Variants in TMEM14C observed in about 807,000 individuals in gnomAD.
TMEM14C encodes the protein transmembrane protein 14C.
In TMEM14C, 13 loss-of-function variants were observed where a neutral mutation model predicts 14.8. That is an observed-to-expected ratio of 0.88 (90% CI 0.57 to 1.40). TMEM14C has a LOEUF of 1.40. TMEM14C is among the 40% of genes most tolerant of loss of function. The pLI is 0.00. For missense variants in TMEM14C, 142 were observed against 138.8 expected (o/e 1.02, Z -0.12); for synonymous variants, 57 against 51.3 (o/e 1.11, Z -0.48).
At chr6:10,728,749 T>C in intron 5 of TMEM14C, 22 bp downstream of exon 5, 1 of 1,614,114 alleles carries the variant, frequency 6.2e-7, no homozygotes, top group Admixed American at 1.7e-5. Context: ...CTATTACTCT[T>C]CTTTACCATG....
At position 10,724,959 on chromosome 6, in the gene TMEM14C, A is replaced by G. The variant is rs975399111; in HGVS notation, c.21-2A>G. On this transcript the variant is annotated splice_acceptor_variant, in intron 2 of 5. Transcript: ENST00000229563. LOFTEE classifies it high-confidence loss of function. ...ACTGACTTCTCCCTCTTGTGTTTTC[A>G]GAGTGCCTTTGCATTGGTTTGGCTT... 3.1e-6 allele frequency: 5 copies of G among 1,614,110 alleles called. No individual in the cohort carries two copies. Among genetic ancestry groups the G allele is most frequent in the Non-Finnish European group, 4.2e-6 (5 of 1,180,048 alleles).
intron 1 of TMEM14C, among the ~76,000 whole-genome samples, chr6:10,723,665 A>T (rs1283165321): frequency 3.4e-5 from 5 of 145,940 alleles, no homozygotes; most frequent in African/African-American, 1.3e-4. Flanking sequence ...AGTTGCCTGA[A>T]TATGTCTCAT....
At position 10,730,686 on chromosome 6, in the gene TMEM14C, T is replaced by C; in HGVS notation, c.*20T>C. The C allele has an allele frequency of 1.3e-6, 2 of 1,584,066 alleles. No homozygotes were observed. Among genetic ancestry groups the C allele is most frequent in the Non-Finnish European group, 1.7e-6 (2 of 1,161,486 alleles). On this transcript the variant is annotated 3_prime_UTR_variant, in exon 6 of 6. Coordinates refer to ENST00000229563, the MANE Select transcript of TMEM14C (RefSeq NM_016462.4). ...CATTAGCAGAAGTCATGTTCCAGCTTAGACTGATGAAGAATTAAAAATCTG... is the reference window on the plus strand; with the variant it reads ...CATTAGCAGAAGTCATGTTCCAGCTCAGACTGATGAAGAATTAAAAATCTG...
intron 3 of TMEM14C, 26 bp downstream of exon 3, chr6:10,725,063 C>G: frequency 6.2e-7 from 1 of 1,612,652 alleles, no homozygotes; most frequent in African/African-American, 1.3e-5. Flanking sequence ...TACTTAGCCT[C>G]TTAACATCTT....
Sources: gnomAD v4.1 joint callset for allele counts (sites outside exome capture counted in the v4.1 genomes callset) on GRCh38, gnomAD v4.1.1 for gene constraint, MANE v1.5 for transcripts, NCBI Gene and HGNC (gene_info 2026-07-23, HGNC 2026-07-21) for gene names.